The following LOC128092252 variants were observed in gnomAD, a reference collection of about 807,000 sequenced individuals.
At chr15:50,652,063 T>C in the LOC128092252 span, among the ~76,000 whole-genome samples, 2 of 151,414 alleles carry the variant, frequency 1.3e-5, no homozygotes, top group African/African-American at 4.8e-5. Flanking sequence ...CCGGGTGCGG[T>C]GGCTCATGCC....
the LOC128092252 span, among the ~76,000 whole-genome samples, chr15:50,665,051 T>C: frequency 2.0e-5 from 3 of 152,168 alleles, no homozygotes; most frequent in African/African-American, 7.2e-5. Flanking sequence ...CGCATGTTTC[T>C]GTATATTAGA....
At chr15:50,680,422 T>C in the LOC128092252 span, among the ~76,000 whole-genome samples, 2 of 150,598 alleles carry the variant, frequency 1.3e-5, no homozygotes, top group Admixed American at 1.3e-4. Context: ...ACACAAAAAG[T>C]AGCCCAATGT....
chr15:50,681,635 GTC>G, the LOC128092252 span, among the ~76,000 whole-genome samples: 49 of 152,150 alleles, frequency 3.2e-4, no homozygotes, highest in Non-Finnish European at 2.8e-4. Flanking sequence ...AGTGAACTCT[GTC>G]TCAGGGTTGC....
chr15:50,658,290 C>T, the LOC128092252 span, among the ~76,000 whole-genome samples: 1,541 of 152,110 alleles, frequency 0.01, 9 homozygotes, highest in Middle Eastern at 0.044. Context: ...CAGGTGTGAG[C>T]CACCGCGCCT....
the LOC128092252 span, among the ~76,000 whole-genome samples, chr15:50,673,288 T>C: frequency 3.9e-3 from 590 of 152,244 alleles, 4 homozygotes; most frequent in Middle Eastern, 0.02. Flanking sequence ...CTTATTTCCA[T>C]AGGTTATTGG....
the LOC128092252 span, among the ~76,000 whole-genome samples, chr15:50,669,581 G>A: frequency 6.6e-6 from 1 of 152,182 alleles, no homozygotes; most frequent in East Asian, 1.9e-4. Flanking sequence ...ATCTGGCCAA[G>A]TATAACAAAG....
chr15:50,650,644 G>A, the LOC128092252 span, among the ~76,000 whole-genome samples: 66 of 151,966 alleles, frequency 4.3e-4, no homozygotes, highest in Non-Finnish European at 7.5e-4. Context: ...GTGGTGAGCC[G>A]AGATCGTGCC....
chr15:50,665,910 T>C, the LOC128092252 span, among the ~76,000 whole-genome samples: 1 of 152,048 alleles, frequency 6.6e-6, no homozygotes, highest in Non-Finnish European at 1.5e-5. Context: ...GGAGAACTGC[T>C]TGAACGTGGA....
At chr15:50,658,544 C>T in the LOC128092252 span, among the ~76,000 whole-genome samples, 700 of 151,128 alleles carry the variant, frequency 4.6e-3, 5 homozygotes, top group Non-Finnish European at 8.2e-3. Flanking sequence ...TGCACTCCAG[C>T]CTGGGCGAAA....
the LOC128092252 span, among the ~76,000 whole-genome samples, chr15:50,679,470 T>G: frequency 7.6e-5 from 10 of 131,968 alleles, no homozygotes; most frequent in African/African-American, 3.3e-4. Flanking sequence ...AGGTTTTATT[T>G]CATTTATATA....
At chr15:50,651,493 A>G in the LOC128092252 span, among the ~76,000 whole-genome samples, 2,181 of 152,048 alleles carry the variant, frequency 0.014, 61 homozygotes, top group African/African-American at 0.051. Flanking sequence ...AAAATAAAAA[A>G]AATTTAAAGA....
the LOC128092252 span, among the ~76,000 whole-genome samples, chr15:50,661,381 A>G: frequency 1.3e-5 from 2 of 152,184 alleles, no homozygotes; most frequent in Non-Finnish European, 2.9e-5. Flanking sequence ...CACTGAGAAA[A>G]AGTTAAAAAT....
the LOC128092252 span, among the ~76,000 whole-genome samples, chr15:50,661,588 C>T: frequency 6.6e-6 from 1 of 152,008 alleles, no homozygotes; most frequent in African/African-American, 2.4e-5. Flanking sequence ...TTTGGAAATG[C>T]TATTCAACAA....
the LOC128092252 span, among the ~76,000 whole-genome samples, chr15:50,661,996 T>C: frequency 1.3e-5 from 2 of 152,196 alleles, no homozygotes. Context: ...GGCAGGCAGA[T>C]GACCTCAGGT....
At chr15:50,654,700 T>G in the LOC128092252 span, among the ~76,000 whole-genome samples, 1 of 150,758 alleles carries the variant, frequency 6.6e-6, no homozygotes, top group Non-Finnish European at 1.5e-5. Flanking sequence ...ATGTATGAAA[T>G]GAAAATTCAC....
the LOC128092252 span, among the ~76,000 whole-genome samples, chr15:50,656,038 A>C: frequency 6.6e-6 from 1 of 152,052 alleles, no homozygotes; most frequent in African/African-American, 2.4e-5. Context: ...CTGCAATAAA[A>C]TAACACAACC....
the LOC128092252 span, among the ~76,000 whole-genome samples, chr15:50,679,539 T>TATATATATATA: frequency 1.8e-4 from 4 of 22,294 alleles, no homozygotes; most frequent in Non-Finnish European, 2.4e-4. Context: ...TATATATATA[T>TATATATATATA]TTTTTTTTTT....
At chr15:50,657,183 G>A in the LOC128092252 span, among the ~76,000 whole-genome samples, 1 of 152,192 alleles carries the variant, frequency 6.6e-6, no homozygotes, top group African/African-American at 2.4e-5. Flanking sequence ...AATTAGCCGG[G>A]CATGGTGGCG....
the LOC128092252 span, among the ~76,000 whole-genome samples, chr15:50,680,488 G>C: frequency 1.3e-5 from 2 of 151,674 alleles, no homozygotes; most frequent in African/African-American, 2.4e-5. Flanking sequence ...AGAATGGCTT[G>C]AACCCGGGAG....
Sources: allele counts gnomAD v4.1 joint callset (sites outside exome capture counted in the v4.1 genomes callset), GRCh38; gene constraint gnomAD v4.1.1; transcripts MANE v1.5.